Variants in MSANTD3 observed in about 807,000 individuals in gnomAD.
MSANTD3 encodes Myb/SANT DNA binding domain containing 3.
Under a neutral mutation model 27.7 loss-of-function variants are expected in MSANTD3, and 11 were observed. The observed-to-expected ratio is 0.40, with a 90% CI of 0.25 to 0.66. The LOEUF (loss-of-function observed/expected upper bound fraction) is 0.66. Among genes scored for constraint, MSANTD3 ranks in the 30% least tolerant of loss-of-function variants. The probability of loss-of-function intolerance (pLI) is 0.41; values close to 1 mark genes in which losing one functional copy is unlikely to be tolerated. For synonymous variants in MSANTD3, 131 were observed against 127.2 expected (o/e 1.03, Z -0.20); for missense variants, 250 against 336.5 (o/e 0.74, Z 2.01).
chr9:100,449,989 G>A (rs936514008), intron 2 of MSANTD3, among the ~76,000 whole-genome samples: 3 of 152,144 alleles, frequency 2.0e-5, no homozygotes, highest in African/African-American at 4.8e-5. Context: ...AAGAGAAAAC[G>A]TATGTGAGGG....
rs1454167660 is a variant in MSANTD3, at chr9:100,451,618, C to G, written c.*652C>G. The G allele has an allele frequency of 6.6e-6, 1 of 151,238 alleles. No individual in the cohort carries two copies. The highest frequency in any genetic ancestry group is 1.5e-5 in the Non-Finnish European group (1 of 67,938). 9.4% of individuals were successfully genotyped at this position (151,238 alleles called of 1,614,324 possible). A position where few individuals can be genotyped will look rare whatever the true frequency, so the allele number is the denominator to read the frequency against. On this transcript the variant is annotated 3_prime_UTR_variant, in exon 3 of 3. Transcript: ENST00000395067. Reference sequence around the variant, plus strand: ...TCAAACAGGAGTTCTAAATAAGTCTCCAACAATAGTAGTTTTGTTGGAGCT... The same window carrying G: ...TCAAACAGGAGTTCTAAATAAGTCTGCAACAATAGTAGTTTTGTTGGAGCT...
rs1214982433 is a variant in MSANTD3 at position 100,451,061 on chromosome 9, C to T, written c.*95C>T. On this transcript the variant is annotated 3_prime_UTR_variant, in exon 3 of 3. Transcript: ENST00000395067. ...TCAGTAACCTGTAACAGAGCTACAACTAGGAAAATTAGAGTGGTAGTAGTC... is the reference window on the plus strand; with the variant it reads ...TCAGTAACCTGTAACAGAGCTACAATTAGGAAAATTAGAGTGGTAGTAGTC... 26 of 1,273,956 alleles carry T rather than the reference C, an allele frequency of 2.0e-5. No individual in the cohort carries two copies. Among genetic ancestry groups the T allele is most frequent in the Non-Finnish European group, 2.8e-5 (26 of 923,500 alleles). The allele number at this position is 1,273,956 out of a possible 1,614,324, so 78.9% of individuals were successfully genotyped here.
chr9:100,436,971 A>C (rs1836491079), intron 1 of MSANTD3, among the ~76,000 whole-genome samples: 1 of 151,996 alleles, frequency 6.6e-6, no homozygotes, highest in African/African-American at 2.4e-5. Context: ...CGCCTGGCTA[A>C]TTTTTTTATT....
At chr9:100,440,308 T>C (rs10989094) in intron 1 of MSANTD3, among the ~76,000 whole-genome samples, 41,780 of 152,030 alleles carry the variant, frequency 0.27, 6,186 homozygotes, top group African/African-American at 0.37. Context: ...CTGGACTTTC[T>C]ATGTCACCAT....
At position 100,441,979 on chromosome 9, in the gene MSANTD3, C is replaced by T. The variant is rs1398899676; in HGVS notation, c.41C>T (p.Ser14Leu). 1.9e-6 allele frequency: 3 copies of T among 1,613,492 alleles called. No homozygotes were observed. Among genetic ancestry groups the T allele is most frequent in the African/African-American group, 1.3e-5 (1 of 74,984 alleles). ...ATTATAAAGCCTGCCAAATACTTCT[C>T]AGAATTGGAAAAGAGCATCCTGCTG... Reference protein sequence around the residue: ...NEIIKPAKYFSELEKSILLAL... With the variant: ...NEIIKPAKYFLELEKSILLAL... Residue 14 changes from serine to leucine, a missense_variant, in exon 2 of 3, where the codon TCA becomes TTA. Physicochemically the swap from Ser to Leu is moderately radical, Grantham distance 145 (BLOSUM62 -2). Coordinates refer to ENST00000395067, the MANE Select transcript of MSANTD3 (RefSeq NM_080655.3).
At chr9:100,432,255 G>A (rs946894210) in intron 1 of MSANTD3, among the ~76,000 whole-genome samples, 1 of 152,244 alleles carries the variant, frequency 6.6e-6, no homozygotes, top group South Asian at 2.1e-4. Flanking sequence ...GAAAGCTCTC[G>A]AAAAGGAAAG....
chr9:100,437,114 A>C (rs540563776), intron 1 of MSANTD3, among the ~76,000 whole-genome samples: 11 of 152,174 alleles, frequency 7.2e-5, no homozygotes, highest in African/African-American at 2.6e-4. Flanking sequence ...CCAAACATAC[A>C]GTCTTACTGG....
At chr9:100,434,196 T>G (rs991769130) in intron 1 of MSANTD3, among the ~76,000 whole-genome samples, 3 of 152,206 alleles carry the variant, frequency 2.0e-5, no homozygotes, top group Non-Finnish European at 1.5e-5. Flanking sequence ...TACCCTACTG[T>G]GGACACATAT....
At position 100,448,148 on chromosome 9, in the gene MSANTD3, G is replaced by A. The variant is rs945082501; in HGVS notation, c.419-2409G>A. The A allele has an allele frequency of 1.8e-5, 16 of 893,078 alleles. No individual in the cohort carries two copies. The East Asian group carries it at 5.3e-4, about 29-fold the overall frequency. The allele number at this position is 893,078 out of a possible 1,614,324, so 55.3% of individuals were successfully genotyped here. A position where few individuals can be genotyped will look rare whatever the true frequency, so the allele number is the denominator to read the frequency against. On this transcript the variant is annotated intron_variant, in intron 2 of 2. Transcript: ENST00000395067. ...AGAGATGGCAGTGAGCTGAGATCAC[G>A]CCACTGCCCTCCAGCCTGGGTGACA... is the stretch of plus-strand genomic sequence containing the variant.
intron 1 of MSANTD3, among the ~76,000 whole-genome samples, chr9:100,431,481 T>G (rs1252316937): frequency 1.3e-5 from 2 of 151,934 alleles, no homozygotes; most frequent in Non-Finnish European, 2.9e-5. Flanking sequence ...TTAATTTTTA[T>G]TTTTAGAGAT....
At chr9:100,448,822 G>T in intron 2 of MSANTD3, 2 of 985,324 alleles carry the variant, frequency 2.0e-6, no homozygotes, top group Non-Finnish European at 2.4e-6. Flanking sequence ...ATTATTTCTG[G>T]ATGGCACCGA....
chr9:100,443,831 A>C (rs1456102486), intron 2 of MSANTD3, among the ~76,000 whole-genome samples: 1 of 152,210 alleles, frequency 6.6e-6, no homozygotes, highest in Non-Finnish European at 1.5e-5. Flanking sequence ...CAGTTTGCAG[A>C]AGACAGACAT....
chr9:100,436,768 C>T (rs1836486628), intron 1 of MSANTD3, among the ~76,000 whole-genome samples: 1 of 151,608 alleles, frequency 6.6e-6, no homozygotes, highest in African/African-American at 2.4e-5. Flanking sequence ...AGGCATGGAC[C>T]ATGTTAAAGC....
chr9:100,427,688 C>G (rs1836276791), intron 1 of MSANTD3: 1 of 152,326 alleles, frequency 6.6e-6, no homozygotes, highest in Non-Finnish European at 1.5e-5. Flanking sequence ...CGGGGAGCTG[C>G]TCGGGGGGAA....
chr9:100,431,284 G>A (rs747286880), intron 1 of MSANTD3, among the ~76,000 whole-genome samples: 1 of 149,784 alleles, frequency 6.7e-6, no homozygotes, highest in Non-Finnish European at 1.5e-5. Context: ...TTACAGGCGT[G>A]AGCCACCATG....
chr9:100,430,133 G>T (rs1247683166), intron 1 of MSANTD3, among the ~76,000 whole-genome samples: 3 of 150,792 alleles, frequency 2.0e-5, no homozygotes, highest in African/African-American at 7.3e-5. Context: ...CAGTGTGTGT[G>T]TAATTTGTAA....
At chr9:100,444,913 G>A (rs1429080850) in intron 2 of MSANTD3, 8 of 342,182 alleles carry the variant, frequency 2.3e-5, no homozygotes, top group Middle Eastern at 7.8e-4. Context: ...AAGTATAAAC[G>A]GATTTATTTT....
At chr9:100,442,963 C>T (rs1836664947) in intron 2 of MSANTD3, among the ~76,000 whole-genome samples, 1 of 152,048 alleles carries the variant, frequency 6.6e-6, no homozygotes, top group Admixed American at 6.6e-5. Flanking sequence ...CTGCAGTTGC[C>T]TATCAGCCTG....
At chr9:100,430,994 CTTTTTTTCTTTTTT>C (rs370140308) in intron 1 of MSANTD3, among the ~76,000 whole-genome samples, 1 of 151,310 alleles carries the variant, frequency 6.6e-6, no homozygotes, top group Non-Finnish European at 1.5e-5. Flanking sequence ...TATTCTTTTT[CTTTTTTTCTTTTTT>C]TTTTTGTTTT....
Sources: allele counts gnomAD v4.1 joint callset (sites outside exome capture counted in the v4.1 genomes callset), GRCh38; gene constraint gnomAD v4.1.1; transcripts MANE v1.5; gene names NCBI Gene and HGNC (gene_info 2026-07-23, HGNC 2026-07-21).